The following MAN1A2 variants were observed in gnomAD, a reference collection of about 807,000 sequenced individuals.
The protein encoded by MAN1A2 is mannosyl-oligosaccharide 1,2-alpha-mannosidase IB.
A neutral mutation model predicts 75.7 loss-of-function variants in MAN1A2; 26 were observed. That is an observed-to-expected ratio of 0.34 (90% CI 0.25 to 0.48). The LOEUF (loss-of-function observed/expected upper bound fraction) is 0.48. Among genes scored for constraint, MAN1A2 ranks in the 20% least tolerant of loss-of-function variants. The pLI is 0.99. For missense variants in MAN1A2, 562 were observed against 775.5 expected (o/e 0.72, Z 3.27); for synonymous variants, 247 against 264.6 (o/e 0.93, Z 0.65).
At chr1:117,447,238 T>G (rs1314630386) in intron 6 of MAN1A2, among the ~76,000 whole-genome samples, 1 of 152,174 alleles carries the variant, frequency 6.6e-6, no homozygotes, top group East Asian at 1.9e-4. Flanking sequence ...TTTACATCAT[T>G]TAGCAATAGA....
At chr1:117,504,327 T>C (rs1651286461) in intron 12 of MAN1A2, among the ~76,000 whole-genome samples, 1 of 151,272 alleles carries the variant, frequency 6.6e-6, no homozygotes, top group African/African-American at 2.4e-5. Context: ...TTTTTTTTTT[T>C]TTTAAACTTC....
chr1:117,480,731 A>G (rs1368373765), intron 8 of MAN1A2, among the ~76,000 whole-genome samples: 1 of 151,802 alleles, frequency 6.6e-6, no homozygotes, highest in African/African-American at 2.4e-5. Context: ...TTCTAACAAC[A>G]TCTAGACTTA....
intron 3 of MAN1A2, among the ~76,000 whole-genome samples, chr1:117,408,610 A>T (rs879902101): frequency 6.6e-6 from 1 of 152,144 alleles, no homozygotes; most frequent in South Asian, 2.1e-4. Flanking sequence ...CTTTTCTTGT[A>T]TTATCTTTGT....
At chr1:117,371,287 C>T (rs1190355373) in intron 1 of MAN1A2, among the ~76,000 whole-genome samples, 1 of 152,160 alleles carries the variant, frequency 6.6e-6, no homozygotes, top group Non-Finnish European at 1.5e-5. Flanking sequence ...TATAACCAAA[C>T]TGGTTGGCAA....
chr1:117,412,111 CTTAAAA>C (rs1358000907), intron 3 of MAN1A2, among the ~76,000 whole-genome samples: 1 of 151,698 alleles, frequency 6.6e-6, no homozygotes. Context: ...AGTTATCATC[CTTAAAA>C]TTAAAGTAGT....
chr1:117,395,324 A>G (rs759041587), intron 1 of MAN1A2, among the ~76,000 whole-genome samples: 3 of 152,206 alleles, frequency 2.0e-5, no homozygotes, highest in Non-Finnish European at 4.4e-5. Flanking sequence ...GCATTTGTTT[A>G]TATCTAGACT....
At chr1:117,441,070 T>C (rs909763784) in intron 5 of MAN1A2, among the ~76,000 whole-genome samples, 1 of 152,184 alleles carries the variant, frequency 6.6e-6, no homozygotes, top group African/African-American at 2.4e-5. Context: ...TGTAGATGTG[T>C]GAATATATCT....
At chr1:117,419,679 C>T (rs1025899000) in intron 4 of MAN1A2, among the ~76,000 whole-genome samples, 4 of 151,700 alleles carry the variant, frequency 2.6e-5, no homozygotes, top group Non-Finnish European at 5.9e-5. Flanking sequence ...TGTTCTCTGC[C>T]ACTTCTGCTT....
At position 117,522,470 on chromosome 1, in the gene MAN1A2, G is replaced by A. The variant is rs1022184693; in HGVS notation, c.1794-355G>A. On this transcript the variant is annotated intron_variant, in intron 12 of 12. Coordinates refer to ENST00000356554, the MANE Select transcript of MAN1A2 (RefSeq NM_006699.5). ...GAAGGAAACTTCTTACCCTGATAAG[G>A]GCATATATGAAAAACCTACAGCTAA... 9.9e-5 allele frequency among the ~76,000 whole-genome samples: 15 copies of A among 151,812 alleles called. No individual in the cohort carries two copies. The South Asian group carries it at 1.5e-3, about 15-fold the overall frequency.
At chr1:117,389,173 G>T (rs909729977) in intron 1 of MAN1A2, among the ~76,000 whole-genome samples, 1 of 152,258 alleles carries the variant, frequency 6.6e-6, no homozygotes, top group African/African-American at 2.4e-5. Context: ...AAGAAAGAAC[G>T]AGTTACTATG....
At chr1:117,480,405 C>T (rs1285696615) in intron 8 of MAN1A2, among the ~76,000 whole-genome samples, 2 of 151,770 alleles carry the variant, frequency 1.3e-5, no homozygotes, top group Admixed American at 6.6e-5. Flanking sequence ...CATCATTTAG[C>T]GATTACTATC....
At chr1:117,405,429 G>A (rs1647583933) in intron 2 of MAN1A2, 120 bp from the exon 3 acceptor site, 2 of 683,744 alleles carry the variant, frequency 2.9e-6, no homozygotes, top group Non-Finnish European at 5.4e-6. Flanking sequence ...ATTGAATAAT[G>A]TACTAATATA....
rs755130917 is a variant in MAN1A2, at chr1:117,393,476, AT to A, written c.303-8699del. Among the ~76,000 whole-genome samples the A allele has an allele frequency of 2.0e-3, 290 of 144,850 alleles. 1 individual carries two copies. Among genetic ancestry groups the A allele is most frequent in the African/African-American group, 3.9e-3 (153 of 39,528 alleles). On this transcript the variant is annotated intron_variant, in intron 1 of 12. Transcript: ENST00000356554. ...AACTATTTATATAACTGCTTCAACT[AT>A]TTTTTTTTTTGTGTGTGTGTGTGTT...
At chr1:117,433,520 G>C (rs1648744061) in intron 5 of MAN1A2, among the ~76,000 whole-genome samples, 1 of 152,120 alleles carries the variant, frequency 6.6e-6, no homozygotes, top group Non-Finnish European at 1.5e-5. Flanking sequence ...TTTACATTTA[G>C]CATTGTAATG....
intron 3 of MAN1A2, among the ~76,000 whole-genome samples, chr1:117,412,252 A>G (rs887957993): frequency 6.6e-6 from 1 of 151,738 alleles, no homozygotes; most frequent in African/African-American, 2.4e-5. Context: ...AGTCAAAAAT[A>G]GTATTTCTCG....
At chr1:117,479,822 AT>A (rs888364021) in intron 8 of MAN1A2, among the ~76,000 whole-genome samples, 7 of 151,494 alleles carry the variant, frequency 4.6e-5, no homozygotes, top group African/African-American at 1.7e-4. Flanking sequence ...ACTAGATTCT[AT>A]GTGCTGGATA....
chr1:117,490,003 G>C (rs1172323586), intron 8 of MAN1A2, among the ~76,000 whole-genome samples: 3 of 151,772 alleles, frequency 2.0e-5, no homozygotes, highest in Non-Finnish European at 4.4e-5. Context: ...ATATAGGGCA[G>C]GGTTTGTAGA....
In MAN1A2 at chr1:117,506,265, G is replaced by A. The variant is rs78045305; in HGVS notation, c.1793+3295G>A. ...TTCATTAAAAGGCAACAATCAATGT[G>A]TTTTAGCTACCAGAGATGGAAACTG... On this transcript the variant is annotated intron_variant, in intron 12 of 12. Transcript: ENST00000356554. Among the ~76,000 whole-genome samples the A allele has an allele frequency of 8.1e-3, 1,230 of 151,636 alleles. 27 individuals are homozygous for A. Among genetic ancestry groups the A allele is most frequent in the African/African-American group, 0.028 (1,177 of 41,480 alleles).
At chr1:117,482,075 A>G (rs890657784) in intron 8 of MAN1A2, among the ~76,000 whole-genome samples, 5 of 151,526 alleles carry the variant, frequency 3.3e-5, no homozygotes, top group African/African-American at 1.2e-4. Flanking sequence ...TTAGAATGGT[A>G]TATATATATA....
Sources: gnomAD v4.1 joint callset for allele counts (sites outside exome capture counted in the v4.1 genomes callset) on GRCh38, gnomAD v4.1.1 for gene constraint, MANE v1.5 for transcripts, NCBI Gene and HGNC (gene_info 2026-07-23, HGNC 2026-07-21) for gene names.